Variants in NCOA1 observed in about 807,000 individuals in gnomAD.
NCOA1 encodes Hin-2 protein.
NCOA1 carries 35 observed loss-of-function variants against 150.9 expected under a neutral mutation model. The observed-to-expected ratio is 0.23, with a 90% CI of 0.18 to 0.31. NCOA1 has a LOEUF of 0.31. Among genes scored for constraint, NCOA1 ranks in the 10% least tolerant of loss-of-function variants. NCOA1 has a pLI of 1.00. For missense variants in NCOA1, 1,491 were observed against 1,749.3 expected (o/e 0.85, Z 2.63); for synonymous variants, 590 against 630.0 (o/e 0.94, Z 0.95).
intron 21 of NCOA1, 74 bp from the exon 22 acceptor site, chr2:24,762,613 G>A: frequency 1.5e-6 from 2 of 1,300,420 alleles, no homozygotes; most frequent in Non-Finnish European, 2.2e-6. Flanking sequence ...CAGTGAGATT[G>A]TTTTTCATTG....
At chr2:24,751,655 T>C (rs2148679282) in intron 19 of NCOA1, among the ~76,000 whole-genome samples, 1 of 152,084 alleles carries the variant, frequency 6.6e-6, no homozygotes, top group Non-Finnish European at 1.5e-5. Flanking sequence ...ATTTTTACAC[T>C]TAAAAATTCA....
intron 7 of NCOA1, among the ~76,000 whole-genome samples, chr2:24,675,086 G>C (rs1671846614): frequency 6.6e-6 from 1 of 152,022 alleles, no homozygotes; most frequent in Non-Finnish European, 1.5e-5. Context: ...CCTCTTAAAT[G>C]TTAGTATCCC....
chr2:24,539,801 G>C (rs1239023958), intron 1 of NCOA1, among the ~76,000 whole-genome samples: 1 of 152,160 alleles, frequency 6.6e-6, no homozygotes, highest in Non-Finnish European at 1.5e-5. Flanking sequence ...TCATACCATA[G>C]GTAAGAGGCT....
chr2:24,567,979 A>G (rs1666583267), intron 2 of NCOA1, among the ~76,000 whole-genome samples: 1 of 152,086 alleles, frequency 6.6e-6, no homozygotes, highest in Non-Finnish European at 1.5e-5. Flanking sequence ...CCTGACCTCA[A>G]GTGATCTGCC....
intron 22 of NCOA1, 45 bp from the exon 23 acceptor site, chr2:24,768,176 G>C (rs1665160530): frequency 6.2e-7 from 1 of 1,613,426 alleles, no homozygotes; most frequent in Non-Finnish European, 8.5e-7. Context: ...ATAAGCCGGG[G>C]GGGCAGACCC....
At chr2:24,622,073 A>G (rs889579508) in intron 3 of NCOA1, among the ~76,000 whole-genome samples, 4 of 152,238 alleles carry the variant, frequency 2.6e-5, no homozygotes, top group Admixed American at 1.3e-4. Context: ...AGCAAAATAG[A>G]TGATGAACAT....
At chr2:24,625,469 T>C (rs1669367535) in intron 3 of NCOA1, among the ~76,000 whole-genome samples, 1 of 152,166 alleles carries the variant, frequency 6.6e-6, no homozygotes, top group African/African-American at 2.4e-5. Flanking sequence ...GAACTAACTT[T>C]TGCTTTGTTA....
At chr2:24,741,121 A>G (rs1430573151) in intron 18 of NCOA1, among the ~76,000 whole-genome samples, 1 of 152,124 alleles carries the variant, frequency 6.6e-6, no homozygotes, top group Non-Finnish European at 1.5e-5. Context: ...ATTGGATCCT[A>G]GATTTCAGAA....
chr2:24,761,039 G>A (rs1344187258), intron 21 of NCOA1, among the ~76,000 whole-genome samples: 1 of 152,068 alleles, frequency 6.6e-6, no homozygotes, highest in East Asian at 1.9e-4. Flanking sequence ...GTAGAGACGG[G>A]ATTTTGCCAT....
intron 1 of NCOA1, among the ~76,000 whole-genome samples, chr2:24,558,193 A>G (rs971810766): frequency 9.2e-5 from 14 of 151,660 alleles, no homozygotes; most frequent in Non-Finnish European, 2.9e-5. Context: ...ATTTTTATTG[A>G]CCTGTATGCA....
chr2:24,707,466 T>C lies in NCOA1; in HGVS notation c.1996T>C (p.Ser666Pro). Residue 666 changes from serine (S) to proline (P), a missense_variant, in exon 13 of 23, where the codon TCT becomes CCT. By Grantham distance (74) the Ser-to-Pro change is moderately conservative. Coordinates refer to ENST00000348332, the MANE Select transcript of NCOA1 (RefSeq NM_003743.5). The stretch of plus-strand genomic sequence containing the variant: ...CCTGTCTTGCACAGGCACTTCCAAC[T>C]CTGCCTCTGCTAACTCTTCAGGAGG... The part of the protein sequence containing the change: ...DVLSCTGTSN[S>P]ASANSSGGSC... 1 of 1,614,218 alleles carries C rather than the reference T, an allele frequency of 6.2e-7. No homozygotes were observed.
At chr2:24,739,361 T>C in intron 17 of NCOA1, 71 bp from the exon 18 acceptor site, 1 of 1,074,768 alleles carries the variant, frequency 9.3e-7, no homozygotes, top group Non-Finnish European at 1.4e-6. Context: ...ATAGAAAGTT[T>C]GTGTTACTTT....
At chr2:24,500,941 A>T (rs1167686597) in intron 1 of NCOA1, among the ~76,000 whole-genome samples, 1 of 152,238 alleles carries the variant, frequency 6.6e-6, no homozygotes, top group Admixed American at 6.5e-5. Flanking sequence ...TGAAAATTAT[A>T]TGTGTTAACT....
At chr2:24,700,358 G>A (rs1673104728) in intron 11 of NCOA1, among the ~76,000 whole-genome samples, 1 of 151,914 alleles carries the variant, frequency 6.6e-6, no homozygotes, top group Non-Finnish European at 1.5e-5. Flanking sequence ...ATTTAGGCAG[G>A]AAAAGTTTGT....
intron 3 of NCOA1, among the ~76,000 whole-genome samples, chr2:24,642,008 G>A (rs1386794977): frequency 6.0e-5 from 1 of 16,546 alleles, no homozygotes; most frequent in African/African-American, 1.1e-4. Context: ...TACAGAGGGC[G>A]TGTGTGTGTG....
Position 24,739,369 on chromosome 2 carries a change from T to C in NCOA1, c.3202-63T>C, listed in dbSNP as rs145809248. ...GTAATCAATAGAAAGTTTGTGTTAC[T>C]TTATAAGGCCCGTGTTATGCTTGTG... On this transcript the variant is annotated intron_variant, in intron 17 of 22. Coordinates refer to ENST00000348332, the MANE Select transcript of NCOA1 (RefSeq NM_003743.5). 5.5e-4 allele frequency: 653 copies of C among 1,187,446 alleles called. 3 individuals carry two copies. The African/African-American group carries it at 8.8e-3, about 16-fold the overall frequency. 73.6% of individuals were successfully genotyped at this position (1,187,446 alleles called of 1,614,324 possible).
chr2:24,709,446 G>A (rs950914774), intron 13 of NCOA1, among the ~76,000 whole-genome samples: 1 of 152,066 alleles, frequency 6.6e-6, no homozygotes, highest in Admixed American at 6.5e-5. Flanking sequence ...AATATTCATT[G>A]GTCATTTGGA....
At chr2:24,669,008 T>C (rs977010990) in intron 6 of NCOA1, among the ~76,000 whole-genome samples, 2 of 152,152 alleles carry the variant, frequency 1.3e-5, no homozygotes, top group South Asian at 2.1e-4. Context: ...ATATTAAATA[T>C]TGGTTACGCA....
chr2:24,725,632 A>G (rs1674575923), intron 14 of NCOA1, among the ~76,000 whole-genome samples: 1 of 152,036 alleles, frequency 6.6e-6, no homozygotes, highest in Admixed American at 6.6e-5. Flanking sequence ...ATTAATATAT[A>G]TTCATTTTAG....
Sources: allele counts gnomAD v4.1 joint callset (sites outside exome capture counted in the v4.1 genomes callset), GRCh38; gene constraint gnomAD v4.1.1; transcripts MANE v1.5; gene names NCBI Gene and HGNC (gene_info 2026-07-23, HGNC 2026-07-21).